The following TAOK1 variants were observed in gnomAD, a reference collection of about 807,000 sequenced individuals.
TAOK1 encodes serine/threonine-protein kinase TAO1.
A neutral mutation model predicts 138.3 loss-of-function variants in TAOK1; 21 were observed. The ratio of observed to expected loss-of-function variants is 0.15; its 90% CI spans 0.11 to 0.22. The LOEUF (loss-of-function observed/expected upper bound fraction) is 0.22. Among genes scored for constraint, TAOK1 ranks in the 10% least tolerant of loss-of-function variants. The probability of loss-of-function intolerance (pLI) is 1.00; values close to 1 mark genes in which losing one functional copy is unlikely to be tolerated. For synonymous variants in TAOK1, 361 were observed against 398.4 expected (o/e 0.91, Z 1.12); for missense variants, 651 against 1,227.7 (o/e 0.53, Z 7.02).
chr17:29,490,338 C>T (rs1299634716), intron 9 of TAOK1, among the ~76,000 whole-genome samples: 1 of 151,992 alleles, frequency 6.6e-6, no homozygotes, highest in African/African-American at 2.4e-5. Flanking sequence ...AACAGATTGA[C>T]AATTTTAGAA....
intron 18 of TAOK1, among the ~76,000 whole-genome samples, chr17:29,531,290 AT>A (rs1313953173): frequency 6.7e-6 from 1 of 149,550 alleles, no homozygotes; most frequent in Admixed American, 6.7e-5. Context: ...TTATTTATTT[AT>A]TTTTTTAGAT....
intron 17 of TAOK1, among the ~76,000 whole-genome samples, chr17:29,522,890 C>T (rs955407919): frequency 6.6e-6 from 1 of 152,056 alleles, no homozygotes; most frequent in Non-Finnish European, 1.5e-5. Context: ...GCTTGGACAA[C>T]ATGGTGAAAC....
chr17:29,505,274 T>C (rs531957889), intron 13 of TAOK1, among the ~76,000 whole-genome samples: 37 of 152,284 alleles, frequency 2.4e-4, no homozygotes, highest in African/African-American at 8.7e-4. Context: ...GTATTCAATT[T>C]GAAGAGTTTT....
intron 3 of TAOK1, among the ~76,000 whole-genome samples, chr17:29,470,611 A>G (rs759130645): frequency 1.4e-4 from 21 of 152,222 alleles, no homozygotes; most frequent in Non-Finnish European, 2.5e-4. Flanking sequence ...TGATTGGTGT[A>G]TGGTTGTAAA....
At chr17:29,496,535 T>G (rs1166556576) in intron 11 of TAOK1, among the ~76,000 whole-genome samples, 1 of 150,702 alleles carries the variant, frequency 6.6e-6, no homozygotes, top group East Asian at 1.9e-4. Context: ...TTAGTAGGCA[T>G]TCGACTGTGT....
intron 1 of TAOK1, among the ~76,000 whole-genome samples, chr17:29,447,199 C>T (rs532436502): frequency 1.3e-5 from 2 of 152,082 alleles, no homozygotes; most frequent in African/African-American, 4.8e-5. Context: ...TATAGGCACC[C>T]ACCACCATGT....
At chr17:29,423,781 C>T (rs1033414996) in intron 1 of TAOK1, among the ~76,000 whole-genome samples, 6 of 151,534 alleles carry the variant, frequency 4.0e-5, no homozygotes, top group African/African-American at 1.2e-4. Context: ...GGCGTGGTGG[C>T]TCACACCTGT....
chr17:29,417,814 T>G (rs1246407718), intron 1 of TAOK1, among the ~76,000 whole-genome samples: 1 of 152,220 alleles, frequency 6.6e-6, no homozygotes, highest in Non-Finnish European at 1.5e-5. Context: ...TTTTAAAATT[T>G]TTTCTTAATG....
At chr17:29,404,549 T>C (rs1319052037) in intron 1 of TAOK1, among the ~76,000 whole-genome samples, 1 of 152,164 alleles carries the variant, frequency 6.6e-6, no homozygotes, top group African/African-American at 2.4e-5. Context: ...CCCAGCACTT[T>C]GGGAGACTGA....
At position 29,508,122 on chromosome 17, in the gene TAOK1, T is replaced by C. The variant is rs759415268; in HGVS notation, c.1565T>C (p.Met522Thr). 1.1e-5 allele frequency: 18 copies of C among 1,613,470 alleles called. No homozygotes were observed. Among genetic ancestry groups the C allele is most frequent in the Non-Finnish European group, 1.5e-5 (18 of 1,179,528 alleles). ...EKLIKKHQAA[M>T]EKEAKVMSNE... Reference sequence around the variant, plus strand: ...CTTATCAAGAAACACCAGGCTGCCATGGAGAAAGAGGTGGCTTATTCAGTA... The same window carrying C: ...CTTATCAAGAAACACCAGGCTGCCACGGAGAAAGAGGTGGCTTATTCAGTA... Residue 522 changes from methionine to threonine, a missense_variant, in exon 14 of 20, where the codon ATG (methionine) becomes ACG (threonine). Transcript: ENST00000261716.
intron 8 of TAOK1, among the ~76,000 whole-genome samples, chr17:29,483,182 A>G (rs923903228): frequency 6.6e-6 from 1 of 152,142 alleles, no homozygotes; most frequent in African/African-American, 2.4e-5. Context: ...GGATCAAGCA[A>G]TCCTCCCACC....
At chr17:29,530,961 A>G (rs2032090143) in intron 18 of TAOK1, among the ~76,000 whole-genome samples, 1 of 39,246 alleles carries the variant, frequency 2.5e-5, no homozygotes, top group South Asian at 6.2e-4. Flanking sequence ...TACAAGTACA[A>G]ATTTTTTTTT....
intron 15 of TAOK1, 154 bp downstream of exon 15, chr17:29,511,146 G>A: frequency 7.7e-6 from 4 of 521,708 alleles, no homozygotes; most frequent in South Asian, 5.9e-5. Flanking sequence ...ATTATAATCA[G>A]TTACCCTTAA....
intron 19 of TAOK1, among the ~76,000 whole-genome samples, chr17:29,536,051 G>C (rs917675574): frequency 6.6e-6 from 1 of 152,052 alleles, no homozygotes; most frequent in African/African-American, 2.4e-5. Flanking sequence ...CCAGCACTTT[G>C]GGAGGCCGAG....
At chr17:29,501,221 TAAAAAAAAAAA>T (rs66503222) in intron 12 of TAOK1, among the ~76,000 whole-genome samples, 1 of 120,638 alleles carries the variant, frequency 8.3e-6, no homozygotes, top group South Asian at 2.8e-4. Flanking sequence ...CCCATCTGTT[TAAAAAAAAAAA>T]AAAAAAAAAA....
intron 2 of TAOK1, among the ~76,000 whole-genome samples, chr17:29,455,852 C>T (rs1416167594): frequency 6.7e-6 from 1 of 149,978 alleles, no homozygotes; most frequent in Non-Finnish European, 1.5e-5. Context: ...TTTTAATATG[C>T]TCTAGGTTTC....
intron 18 of TAOK1, among the ~76,000 whole-genome samples, chr17:29,531,956 G>C (rs1191625492): frequency 6.6e-6 from 1 of 151,566 alleles, no homozygotes; most frequent in African/African-American, 2.4e-5. Context: ...CGCCTCCCGG[G>C]TTCACGCCAT....
At chr17:29,428,757 G>A (rs1290913736) in intron 1 of TAOK1, among the ~76,000 whole-genome samples, 1 of 151,564 alleles carries the variant, frequency 6.6e-6, no homozygotes, top group Non-Finnish European at 1.5e-5. Context: ...CCAAGTCGCT[G>A]GGACTGCAGT....
intron 1 of TAOK1, among the ~76,000 whole-genome samples, chr17:29,398,944 C>G (rs527485072): frequency 6.6e-6 from 1 of 151,980 alleles, no homozygotes; most frequent in Admixed American, 6.6e-5. Flanking sequence ...CTATCACACA[C>G]TAGCTGCCTA....
Sources: gnomAD v4.1 joint callset for allele counts (sites outside exome capture counted in the v4.1 genomes callset) on GRCh38, gnomAD v4.1.1 for gene constraint, MANE v1.5 for transcripts, NCBI Gene and HGNC (gene_info 2026-07-23, HGNC 2026-07-21) for gene names.